CSMD1: variants seen among roughly 807,000 people sequenced by gnomAD.
CSMD1 encodes CUB and Sushi multiple domains 1, also known as CUB and sushi domain-containing protein 1.
A neutral mutation model predicts 417.5 loss-of-function variants in CSMD1; 213 were observed. The ratio of observed to expected loss-of-function variants is 0.51; its 90% confidence interval spans 0.46 to 0.57. The LOEUF (loss-of-function observed/expected upper bound fraction) is 0.57, where lower values mean the gene tolerates loss of function less well. CSMD1 is among the 20% of genes least tolerant of loss of function. The pLI is 0.00. For missense variants in CSMD1, 6,923 were observed against 4,529.7 expected, an observed-to-expected ratio of 1.53 and a Z score of -15.17; for synonymous variants, 2,862 against 1,736.8, an observed-to-expected ratio of 1.65 and a Z score of -16.11.
chr8:4,397,802 G>A (rs1377049587), intron 3 of CSMD1, among the ~76,000 whole-genome samples: 4 of 151,986 alleles, frequency 2.6e-5, no homozygotes, highest in Non-Finnish European at 5.9e-5. Flanking sequence ...AATATTACAT[G>A]CTAATTATAC....
At chr8:3,401,360 A>G (rs1345127974) in intron 15 of CSMD1, among the ~76,000 whole-genome samples, 1 of 152,134 alleles carries the variant, frequency 6.6e-6, no homozygotes, top group African/African-American at 2.4e-5. Flanking sequence ...AATATGTCTA[A>G]CTTGCCAAAT....
intron 1 of CSMD1, among the ~76,000 whole-genome samples, chr8:4,913,511 A>T (rs942172037): frequency 3.3e-5 from 5 of 152,112 alleles, no homozygotes; most frequent in African/African-American, 7.2e-5. Flanking sequence ...CATATGTCTT[A>T]TTTTAAACAG....
chr8:3,419,188 G>T (rs1413169169), intron 12 of CSMD1, among the ~76,000 whole-genome samples: 1 of 152,174 alleles, frequency 6.6e-6, no homozygotes, highest in Non-Finnish European at 1.5e-5. Flanking sequence ...GCCTTATCAA[G>T]TAACACATTT....
At position 4,401,896 on chromosome 8, in the gene CSMD1, C is replaced by T. The variant is rs753497679; in HGVS notation, c.415+18057G>A. Reference sequence around the variant, plus strand: ...CTTTGACTCTTCTGTCTTCAGGTTACTCACATGTAGATCCTCTTATTGAAG... The same window carrying T: ...CTTTGACTCTTCTGTCTTCAGGTTATTCACATGTAGATCCTCTTATTGAAG... On this transcript the variant is annotated intron_variant, in intron 3 of 69. Transcript: ENST00000635120. Among the ~76,000 whole-genome samples the T allele has an allele frequency of 7.9e-5, 12 of 152,204 alleles. No individual in the cohort carries two copies. The East Asian group carries it at 1.4e-3, about 17-fold the overall frequency.
intron 23 of CSMD1, among the ~76,000 whole-genome samples, chr8:3,314,323 A>G (rs993100163): frequency 3.3e-5 from 5 of 152,208 alleles, no homozygotes; most frequent in African/African-American, 7.2e-5. Context: ...CCAAATAGAG[A>G]TATTTCCATT....
At chr8:4,772,037 G>A (rs902347310) in intron 1 of CSMD1, among the ~76,000 whole-genome samples, 1 of 152,082 alleles carries the variant, frequency 6.6e-6, no homozygotes, top group Admixed American at 6.6e-5. Context: ...GTCCCACGTC[G>A]GTCTCACTGG....
At chr8:4,491,298 G>C (rs150589258) in intron 2 of CSMD1, among the ~76,000 whole-genome samples, 1 of 152,268 alleles carries the variant, frequency 6.6e-6, no homozygotes, top group South Asian at 2.1e-4. Flanking sequence ...GATGCCTGAC[G>C]TGCCAAGGAG....
intron 3 of CSMD1, among the ~76,000 whole-genome samples, chr8:4,117,608 C>G (rs17069043): frequency 0.073 from 11,184 of 152,222 alleles, 462 homozygotes; most frequent in Middle Eastern, 0.099. Context: ...CAAAGGACTT[C>G]CAGTTAGAGA....
intron 3 of CSMD1, among the ~76,000 whole-genome samples, chr8:4,150,240 T>C (rs967148303): frequency 6.6e-6 from 1 of 152,200 alleles, no homozygotes; most frequent in African/African-American, 2.4e-5. Flanking sequence ...TTTTCCATCA[T>C]GCACCTCCCT....
Position 3,997,921 on chromosome 8 carries a change from G to C in CSMD1, c.800C>G (p.Thr267Arg), listed in dbSNP as rs367545152. The change falls in exon 5 of 70, where the codon ACG becomes AGG. Residue 267 changes from threonine to arginine, a missense_variant. Coordinates refer to ENST00000635120, the MANE Select transcript of CSMD1 (RefSeq NM_033225.6). ...EGYDFLEISG[T>R]EAPSIWLTGM... ...GACTTACCATATGGATGGAGCTTCC[G>C]TGCCACTGATCTCTAAGAAATCATA... 3.7e-6 allele frequency: 6 copies of C among 1,612,090 alleles called. No individual in the cohort carries two copies. Among genetic ancestry groups the C allele is most frequent in the Non-Finnish European group, 4.2e-6 (5 of 1,179,128 alleles).
chr8:4,088,095 G>C lies in CSMD1; in HGVS notation c.416-55996C>G, dbSNP rs140569921. On this transcript the variant is annotated intron_variant, in intron 3 of 69. Coordinates refer to ENST00000635120, the MANE Select transcript of CSMD1 (RefSeq NM_033225.6). ...ACAATGACTAGAGGAAACCACAAAA[G>C]GAGAAAGAGGAAGGATAGCTGCAGT... Among the ~76,000 whole-genome samples, 32 of 152,312 alleles carry C rather than the reference G, an allele frequency of 2.1e-4. No homozygotes were observed. The East Asian group carries it at 6.2e-3, about 29-fold the overall frequency.
At chr8:3,814,539 C>G (rs1486819839) in intron 5 of CSMD1, among the ~76,000 whole-genome samples, 3 of 152,160 alleles carry the variant, frequency 2.0e-5, no homozygotes. Flanking sequence ...CCTGGAGACG[C>G]CTGTGGTTGT....
chr8:4,132,364 T>C (rs957274628), intron 3 of CSMD1, among the ~76,000 whole-genome samples: 1 of 152,182 alleles, frequency 6.6e-6, no homozygotes, highest in Admixed American at 6.5e-5. Flanking sequence ...TCTTGTAGAA[T>C]ACATCTTGAC....
chr8:4,079,829 T>C (rs914726985), intron 3 of CSMD1, among the ~76,000 whole-genome samples: 2 of 152,134 alleles, frequency 1.3e-5, no homozygotes, highest in Non-Finnish European at 2.9e-5. Flanking sequence ...GAGAAAACAG[T>C]AGCCAGGGAT....
At chr8:4,632,666 C>A (rs971448373) in intron 2 of CSMD1, among the ~76,000 whole-genome samples, 21 of 152,136 alleles carry the variant, frequency 1.4e-4, no homozygotes, top group Admixed American at 1.3e-4. Flanking sequence ...GAGGTAACTT[C>A]AGGGCAGGTG....
intron 3 of CSMD1, among the ~76,000 whole-genome samples, chr8:4,243,528 C>G (rs908187333): frequency 2.6e-5 from 4 of 151,982 alleles, no homozygotes; most frequent in African/African-American, 9.7e-5. Context: ...ATCTTTGTAA[C>G]CAGAGAAATG....
chr8:3,204,874 G>C (rs1585647506), intron 31 of CSMD1, among the ~76,000 whole-genome samples: 1 of 152,308 alleles, frequency 6.6e-6, no homozygotes, highest in East Asian at 1.9e-4. Flanking sequence ...AAGATAAATT[G>C]TCCTGGTCAA....
At chr8:3,643,686 G>T (rs371210147) in intron 7 of CSMD1, among the ~76,000 whole-genome samples, 3 of 117,984 alleles carry the variant, frequency 2.5e-5, no homozygotes, top group East Asian at 3.0e-4. Flanking sequence ...GGGCGACAGC[G>T]TGAGACTCCG....
At chr8:3,722,558 A>G (rs1405045157) in intron 6 of CSMD1, among the ~76,000 whole-genome samples, 1 of 152,102 alleles carries the variant, frequency 6.6e-6, no homozygotes, top group Non-Finnish European at 1.5e-5. Flanking sequence ...CCTCTTGTCA[A>G]TGTCTCCAAA....
Sources: allele counts gnomAD v4.1 joint callset (sites outside exome capture counted in the v4.1 genomes callset), GRCh38; gene constraint gnomAD v4.1.1; transcripts MANE v1.5; gene names NCBI Gene and HGNC (gene_info 2026-07-23, HGNC 2026-07-21).